Variants in KIR2DL4 observed in about 807,000 individuals in gnomAD.
The protein encoded by KIR2DL4 is killer cell immunoglobulin-like receptor 2DL4.
A neutral mutation model predicts 31.0 loss-of-function variants in KIR2DL4; 41 were observed. That is an observed-to-expected ratio of 1.32 (90% CI 1.03 to 1.72). The LOEUF is 1.72. Ranked by LOEUF, KIR2DL4 falls within the 40% of genes most tolerant of loss-of-function variation. The pLI, the probability that KIR2DL4 is intolerant of heterozygous loss-of-function variation, is 0.00. For synonymous variants in KIR2DL4, 164 were observed against 133.6 expected, an observed-to-expected ratio of 1.23 and a Z score of -1.57; for missense variants, 438 against 353.7, an observed-to-expected ratio of 1.24 and a Z score of -1.91.
chr19:54,811,574 T>A (rs112264748), intron 5 of KIR2DL4, among the ~76,000 whole-genome samples: 2,012 of 151,070 alleles, frequency 0.013, 113 homozygotes, highest in African/African-American at 0.046. Context: ...GAGCATGAGA[T>A]CATATGGAAA....
intron 2 of KIR2DL4, among the ~76,000 whole-genome samples, chr19:54,804,483 C>A (rs1320859469): frequency 3.3e-5 from 5 of 151,134 alleles, no homozygotes; most frequent in Non-Finnish European, 7.4e-5. Flanking sequence ...GTGGTTCAGG[C>A]ATTAGCTAAT....
At chr19:54,804,357 G>A (rs1295505714) in intron 2 of KIR2DL4, among the ~76,000 whole-genome samples, 2 of 151,392 alleles carry the variant, frequency 1.3e-5, no homozygotes, top group African/African-American at 2.4e-5. Flanking sequence ...ACCCTCCAGC[G>A]TTTCCATGAC....
At position 54,813,432 on chromosome 19, in the gene KIR2DL4, C is replaced by A. The variant is rs1363441862; in HGVS notation, c.810+204C>A. The A allele has an allele frequency of 6.4e-6, 5 of 784,982 alleles. 1 individual carries two copies. The South Asian group carries it at 6.9e-5, about 11-fold the overall frequency. 48.6% of individuals were successfully genotyped at this position (784,982 alleles called of 1,614,324 possible). On this transcript the variant is annotated intron_variant, in intron 6 of 7. Coordinates refer to ENST00000359085, the Ensembl canonical transcript of KIR2DL4. ...TGCCTGATTGTGAACTGTATCCTCACGTCCCCTGCAGCCACTCACATCCAG... is the reference window on the plus strand; with the variant it reads ...TGCCTGATTGTGAACTGTATCCTCAAGTCCCCTGCAGCCACTCACATCCAG...
chr19:54,804,924 G>C (rs375455509), exon 3 of KIR2DL4: 3 of 1,612,184 alleles, frequency 1.9e-6, no homozygotes, highest in Non-Finnish European at 2.5e-6. Flanking sequence ...TGGGGTCCCT[G>C]TCCCTGAGCT....
At chr19:54,813,047 G>C in intron 5 of KIR2DL4, 1 of 1,164,136 alleles carries the variant, frequency 8.6e-7, no homozygotes, top group Non-Finnish European at 1.2e-6. Context: ...TGGTTGCCTG[G>C]CAACCAAGAA....
Position 54,806,250 on chromosome 19 carries a change from G to A in KIR2DL4, c.655+6G>A, listed in dbSNP as rs1236896650. On this transcript the variant is annotated splice_donor_region_variant and intron_variant, in intron 4 of 7. Transcript: ENST00000359085. ...ACTGCCTGTTTCTGTCACAGGTGAG[G>A]AAAGCCAATGTCTGTCCCATGTCCT... The A allele has an allele frequency of 1.2e-6, 2 of 1,607,870 alleles. No individual in the cohort carries two copies. The highest frequency in any genetic ancestry group is 1.4e-5 in the African/African-American group (1 of 73,866).
At chr19:54,813,068 A>G in intron 5 of KIR2DL4, 1 of 1,290,908 alleles carries the variant, frequency 7.7e-7, no homozygotes, top group East Asian at 2.6e-5. Context: ...ATGAGAGACA[A>G]TCCACAAAGA....
intron 2 of KIR2DL4, 50 bp downstream of exon 2, chr19:54,803,976 G>C: frequency 6.6e-7 from 1 of 1,525,588 alleles, no homozygotes; most frequent in Non-Finnish European, 9.0e-7. Flanking sequence ...CAATACAAGT[G>C]AATTTTCCAG....
At position 54,813,753 on chromosome 19, in the gene KIR2DL4, C is replaced by T; in HGVS notation, c.*41+11C>T. The T allele has an allele frequency of 1.2e-6, 2 of 1,611,488 alleles. No individual in the cohort carries two copies. The highest frequency in any genetic ancestry group is 1.1e-5 in the South Asian group (1 of 90,578). ...ACAGTGAACAGGGAGGTAGGTCCTC[C>T]TAGCCCAGCCTCATGGATACAGTCT... On this transcript the variant is annotated intron_variant, in intron 7 of 7. Coordinates refer to ENST00000359085, the Ensembl canonical transcript of KIR2DL4.
intron 3 of KIR2DL4, 36 bp from the exon 4 acceptor site, chr19:54,805,915 G>T (rs2060488395): frequency 1.3e-6 from 2 of 1,561,358 alleles, no homozygotes; most frequent in Non-Finnish European, 8.7e-7. Context: ...TGACAAGGAA[G>T]AACCTCCCTG....
intron 2 of KIR2DL4, 40 bp downstream of exon 2, chr19:54,803,966 C>T (rs1601107741): frequency 5.0e-6 from 8 of 1,584,234 alleles, no homozygotes; most frequent in South Asian, 4.5e-5. Context: ...ATCTTCACCC[C>T]AATACAAGTG....
chr19:54,805,862 A>G, intron 3 of KIR2DL4, 89 bp from the exon 4 acceptor site: 2 of 1,156,080 alleles, frequency 1.7e-6, no homozygotes, highest in Non-Finnish European at 2.5e-6. Flanking sequence ...ACTAGGCCAT[A>G]GAGCAGGGCA....
chr19:54,813,295 G>T (rs1444063908), intron 6 of KIR2DL4: 2 of 1,592,588 alleles, frequency 1.3e-6, no homozygotes, highest in African/African-American at 2.8e-5. Context: ...GGAGCACGCA[G>T]GTGTGTGTTC....
At chr19:54,810,835 A>T (rs1352307983) in intron 5 of KIR2DL4, among the ~76,000 whole-genome samples, 15 of 151,382 alleles carry the variant, frequency 9.9e-5, no homozygotes, top group Non-Finnish European at 1.8e-4. Context: ...CATAACTGGA[A>T]TCTAGGAGAC....
chr19:54,804,796 G>A (rs1365721161), exon 3 of KIR2DL4: 1 of 1,611,622 alleles, frequency 6.2e-7, no homozygotes, highest in Non-Finnish European at 8.5e-7. Flanking sequence ...CCCCAAGGTG[G>A]TCAGGACAAG....
intron 5 of KIR2DL4, among the ~76,000 whole-genome samples, chr19:54,812,630 C>T (rs1175521329): frequency 6.6e-6 from 1 of 150,466 alleles, no homozygotes; most frequent in Non-Finnish European, 1.5e-5. Context: ...CGGCCTCAGG[C>T]TGCTCCCACA....
At chr19:54,804,566 A>G (rs1189931116) in intron 2 of KIR2DL4, among the ~76,000 whole-genome samples, 1 of 151,116 alleles carries the variant, frequency 6.6e-6, no homozygotes, top group African/African-American at 2.4e-5. Context: ...ATCTTGCAGT[A>G]TTAAAATCTA....
rs1267911484 is a variant in KIR2DL4, at chr19:54,808,775, C to G, written c.656-58C>G. ...GCCATGAACCAACCTCAAAGATTTC[C>G]ATTGAGTAGAAGACAGGCATCCTCA... On this transcript the variant is annotated intron_variant, in intron 4 of 7. Coordinates refer to ENST00000359085, the Ensembl canonical transcript of KIR2DL4. The G allele has an allele frequency of 3.2e-6, 4 of 1,248,084 alleles. No individual in the cohort carries two copies. In the East Asian group the frequency reaches 9.7e-5, roughly 30 times the overall value. 77.3% of individuals were successfully genotyped at this position (1,248,084 alleles called of 1,614,324 possible). A position where few individuals can be genotyped will look rare whatever the true frequency, so the allele number is the denominator to read the frequency against.
chr19:54,809,444 C>T lies in KIR2DL4; in HGVS notation c.706+561C>T, dbSNP rs755495574. Among the ~76,000 whole-genome samples, 20 of 150,942 alleles carry T rather than the reference C, an allele frequency of 1.3e-4. 1 individual carries two copies. The highest frequency in any genetic ancestry group is 2.8e-4 in the Non-Finnish European group (19 of 67,916). On this transcript the variant is annotated intron_variant, in intron 5 of 7. Coordinates refer to ENST00000359085, the Ensembl canonical transcript of KIR2DL4. ...CCTATGTTGCCATAACAAATTTCCA[C>T]AAGCTTCGTGGATGGAAACCACATT...
Sources: allele counts gnomAD v4.1 joint callset (sites outside exome capture counted in the v4.1 genomes callset), GRCh38; gene constraint gnomAD v4.1.1; transcripts MANE v1.5; gene names NCBI Gene and HGNC (gene_info 2026-07-23, HGNC 2026-07-21).